MCU: variants seen among roughly 807,000 people sequenced by gnomAD.
The protein encoded by MCU is calcium uniporter protein, mitochondrial.
Under a neutral mutation model 45.2 loss-of-function variants are expected in MCU, and 12 were observed. The ratio of observed to expected loss-of-function variants is 0.27; its 90% confidence interval spans 0.17 to 0.43. The LOEUF is 0.43. MCU is among the 20% of genes least tolerant of loss of function. MCU has a pLI of 1.00. For synonymous variants in MCU, 160 were observed against 165.1 expected (o/e 0.97, Z 0.24); for missense variants, 324 against 436.7 (o/e 0.74, Z 2.30).
chr10:72,769,941 T>C (rs1843781026), intron 1 of MCU, among the ~76,000 whole-genome samples: 1 of 152,226 alleles, frequency 6.6e-6, no homozygotes. Context: ...CAACTATAAA[T>C]TTCCATCTGA....
chr10:72,784,067 C>CG (rs1844036025), intron 1 of MCU, among the ~76,000 whole-genome samples: 2 of 152,228 alleles, frequency 1.3e-5, no homozygotes, highest in South Asian at 4.2e-4. Context: ...GGGGGAAAGC[C>CG]GGGCACCGTT....
intron 1 of MCU, among the ~76,000 whole-genome samples, chr10:72,821,866 C>T (rs904778572): frequency 1.3e-5 from 2 of 152,062 alleles, no homozygotes; most frequent in Non-Finnish European, 2.9e-5. Flanking sequence ...TAAAGCAAGT[C>T]CTAATACATT....
At chr10:72,708,046 C>T (rs771388801) in intron 1 of MCU, among the ~76,000 whole-genome samples, 1 of 152,132 alleles carries the variant, frequency 6.6e-6, no homozygotes, top group Non-Finnish European at 1.5e-5. Flanking sequence ...TATGTTATTT[C>T]ATTAGATGGC....
At chr10:72,785,722 A>G (rs760246102) in intron 1 of MCU, among the ~76,000 whole-genome samples, 4 of 152,200 alleles carry the variant, frequency 2.6e-5, no homozygotes, top group East Asian at 1.9e-4. Flanking sequence ...AAGGGCTGCA[A>G]TTTTCATCTT....
Position 72,700,226 on chromosome 10 carries a change from A to G in MCU, c.150+7925A>G, listed in dbSNP as rs570012882. Among the ~76,000 whole-genome samples the G allele has an allele frequency of 1.4e-3, 219 of 151,880 alleles. 2 individuals carry two copies. Among genetic ancestry groups the G allele is most frequent in the African/African-American group, 4.9e-3 (201 of 41,406 alleles). On this transcript the variant is annotated intron_variant, in intron 1 of 7. Transcript: ENST00000373053. ...AGGCACCTGCCACCATGCTGGGCTA[A>G]TTTTTTGTATTTTTATTGGAGACAG...
At chr10:72,727,252 A>G (rs1354597662) in intron 1 of MCU, among the ~76,000 whole-genome samples, 1 of 152,192 alleles carries the variant, frequency 6.6e-6, no homozygotes, top group Non-Finnish European at 1.5e-5. Context: ...TAACATCTAG[A>G]ATAAAGAACA....
chr10:72,882,470 A>G (rs536532520), intron 6 of MCU, among the ~76,000 whole-genome samples: 354 of 152,226 alleles, frequency 2.3e-3, no homozygotes, highest in African/African-American at 7.8e-3. Context: ...AAGAGAATGC[A>G]CCCCTGAGGT....
chr10:72,772,992 A>G (rs111843460), intron 1 of MCU, among the ~76,000 whole-genome samples: 9,007 of 152,150 alleles, frequency 0.059, 902 homozygotes, highest in African/African-American at 0.21. Context: ...TCAACCTCCC[A>G]GGCTCAGGCA....
intron 1 of MCU, among the ~76,000 whole-genome samples, chr10:72,751,951 T>A (rs893555461): frequency 6.6e-6 from 1 of 151,922 alleles, no homozygotes; most frequent in African/African-American, 2.4e-5. Flanking sequence ...GTGATTCTAC[T>A]GCCTCAGCAT....
Position 72,844,574 on chromosome 10 carries a change from A to T in MCU, c.220+10146A>T, listed in dbSNP as rs947808050. Among the ~76,000 whole-genome samples the T allele has an allele frequency of 9.2e-5, 14 of 151,848 alleles. 1 individual carries two copies. Among genetic ancestry groups the T allele is most frequent in the Middle Eastern group, 3.4e-3 (1 of 294 alleles). On this transcript the variant is annotated intron_variant, in intron 2 of 7. Transcript: ENST00000373053. ...ACAAGAATGCGACTCTGTCTCAAAA[A>T]ATATATATATATAGATATTCTGAGG... is the stretch of plus-strand genomic sequence containing the variant.
intron 2 of MCU, among the ~76,000 whole-genome samples, chr10:72,838,211 T>C (rs1844984762): frequency 6.6e-6 from 1 of 152,036 alleles, no homozygotes. Flanking sequence ...ACTCTAGCTA[T>C]TGGGAAAGTG....
At chr10:72,781,005 T>C (rs980714465) in intron 1 of MCU, among the ~76,000 whole-genome samples, 1 of 152,158 alleles carries the variant, frequency 6.6e-6, no homozygotes, top group African/African-American at 2.4e-5. Flanking sequence ...ATTCATTTAT[T>C]TGGGGGTATT....
chr10:72,699,468 C>T (rs1842729453), intron 1 of MCU, among the ~76,000 whole-genome samples: 2 of 151,910 alleles, frequency 1.3e-5, no homozygotes, highest in African/African-American at 2.4e-5. Context: ...GATCATGCCA[C>T]TGCACTCCAG....
intron 1 of MCU, 37 bp from the exon 2 acceptor site, chr10:72,834,322 C>T: frequency 6.6e-7 from 1 of 1,516,528 alleles, no homozygotes; most frequent in South Asian, 1.1e-5. Flanking sequence ...GTTTGTTGTT[C>T]CATTCTGACA....
chr10:72,692,403 C>G (rs1365838548), intron 1 of MCU, 102 bp downstream of exon 1: 3 of 1,021,114 alleles, frequency 2.9e-6, no homozygotes, highest in Non-Finnish European at 3.6e-6. Context: ...GTTACCTCAA[C>G]TCCCGGCCGC....
chr10:72,706,697 C>G (rs551782380), intron 1 of MCU, among the ~76,000 whole-genome samples: 2 of 150,562 alleles, frequency 1.3e-5, no homozygotes, highest in Non-Finnish European at 3.0e-5. Flanking sequence ...CCACCACATC[C>G]AGCTAATTTT....
chr10:72,701,477 G>A (rs1842757751), intron 1 of MCU, among the ~76,000 whole-genome samples: 1 of 152,100 alleles, frequency 6.6e-6, no homozygotes, highest in Admixed American at 6.6e-5. Context: ...TCTTCCTCAA[G>A]TATCTGCTGC....
intron 1 of MCU, among the ~76,000 whole-genome samples, chr10:72,693,407 T>C (rs775660798): frequency 7.9e-5 from 12 of 152,098 alleles, no homozygotes; most frequent in Non-Finnish European, 1.2e-4. Context: ...TATTGGAGGA[T>C]CACTGCAAAC....
chr10:72,778,167 C>T (rs1312278764), intron 1 of MCU, among the ~76,000 whole-genome samples: 1 of 152,118 alleles, frequency 6.6e-6, no homozygotes, highest in Non-Finnish European at 1.5e-5. Flanking sequence ...AGCAATTTCA[C>T]TACTGGGTAT....
Sources: gnomAD v4.1 joint callset for allele counts (sites outside exome capture counted in the v4.1 genomes callset) on GRCh38, gnomAD v4.1.1 for gene constraint, MANE v1.5 for transcripts, NCBI Gene and HGNC (gene_info 2026-07-23, HGNC 2026-07-21) for gene names.